The following SPON1 variants were observed in gnomAD, a reference collection of about 807,000 sequenced individuals.
SPON1 encodes the protein spondin-1.
SPON1 carries 52 observed loss-of-function variants against 111.7 expected under a neutral mutation model. The ratio of observed to expected loss-of-function variants is 0.47; its 90% CI spans 0.37 to 0.59. The LOEUF (loss-of-function observed/expected upper bound fraction) is 0.59. Ranked by LOEUF, SPON1 falls within the 20% of genes least tolerant of loss-of-function variation. SPON1 has a pLI of 0.00. For missense variants in SPON1, 957 were observed against 1,068.5 expected (o/e 0.90, Z 1.46); for synonymous variants, 410 against 395.8 (o/e 1.04, Z -0.43).
At chr11:13,991,142 C>T (rs1848226693) in intron 2 of SPON1, among the ~76,000 whole-genome samples, 1 of 152,158 alleles carries the variant, frequency 6.6e-6, no homozygotes, top group Non-Finnish European at 1.5e-5. Flanking sequence ...TGGAGAAGTT[C>T]TCCTGGATAA....
intron 5 of SPON1, among the ~76,000 whole-genome samples, chr11:14,121,872 C>G (rs1847392236): frequency 6.6e-6 from 1 of 151,156 alleles, no homozygotes; most frequent in African/African-American, 2.4e-5. Flanking sequence ...TTGCAAGACA[C>G]AGAATTCTAG....
intron 6 of SPON1, among the ~76,000 whole-genome samples, chr11:14,236,575 G>C (rs1468914692): frequency 6.6e-6 from 1 of 152,204 alleles, no homozygotes; most frequent in East Asian, 1.9e-4. Flanking sequence ...TACACAGTTG[G>C]CTTTTTAAGG....
chr11:14,219,494 C>T (rs1848658379), intron 6 of SPON1, among the ~76,000 whole-genome samples: 2 of 152,142 alleles, frequency 1.3e-5, no homozygotes, highest in South Asian at 2.1e-4. Context: ...AGAAGTGACC[C>T]TGAGATCTGG....
At chr11:14,098,652 CAGAGAGAGAGAGAGGGGTGGGAAG>C (rs781949086) in intron 5 of SPON1, among the ~76,000 whole-genome samples, 1,073 of 146,394 alleles carry the variant, frequency 7.3e-3, no homozygotes, top group Non-Finnish European at 0.012. Flanking sequence ...ATATGAAAGG[CAGAGAGAGAGAGAGGGGTGGGAAG>C]AGAGAGAGAG....
chr11:14,125,214 G>A (rs1024882547), intron 5 of SPON1, among the ~76,000 whole-genome samples: 1 of 152,244 alleles, frequency 6.6e-6, no homozygotes, highest in Non-Finnish European at 1.5e-5. Context: ...AACCAGGCAG[G>A]TTCTAGAACT....
chr11:14,070,638 AT>A (rs1326818771), intron 3 of SPON1, among the ~76,000 whole-genome samples: 56 of 152,208 alleles, frequency 3.7e-4, no homozygotes, highest in African/African-American at 1.3e-3. Flanking sequence ...ATCCAGGTAT[AT>A]TTTTTAAGTC....
intron 2 of SPON1, among the ~76,000 whole-genome samples, chr11:14,018,751 G>A (rs1848460697): frequency 6.6e-6 from 1 of 152,142 alleles, no homozygotes; most frequent in African/African-American, 2.4e-5. Flanking sequence ...GTAGCACAGG[G>A]CATTCAATGC....
At chr11:14,101,149 C>T (rs1554924352) in intron 5 of SPON1, among the ~76,000 whole-genome samples, 1 of 152,040 alleles carries the variant, frequency 6.6e-6, no homozygotes, top group Non-Finnish European at 1.5e-5. Flanking sequence ...CCTGTAATCC[C>T]AGTGCTTTGG....
intron 2 of SPON1, among the ~76,000 whole-genome samples, chr11:14,037,279 T>A (rs1848601528): frequency 6.6e-6 from 1 of 152,110 alleles, no homozygotes; most frequent in Non-Finnish European, 1.5e-5. Context: ...ACAATTCAGT[T>A]GGAGCACAAG....
chr11:14,127,885 A>G (rs1228895806), intron 5 of SPON1, among the ~76,000 whole-genome samples: 16 of 152,238 alleles, frequency 1.1e-4, no homozygotes, highest in African/African-American at 3.6e-4. Context: ...CACCTTCTTC[A>G]CAAGGTGGCA....
chr11:14,175,618 G>A (rs1036201341), intron 6 of SPON1, among the ~76,000 whole-genome samples: 1 of 152,078 alleles, frequency 6.6e-6, no homozygotes, highest in Non-Finnish European at 1.5e-5. Context: ...CCCTTGCAGA[G>A]GACACCAGTA....
intron 7 of SPON1, among the ~76,000 whole-genome samples, chr11:14,245,814 G>A (rs1267527419): frequency 6.6e-6 from 1 of 152,184 alleles, no homozygotes; most frequent in Non-Finnish European, 1.5e-5. Context: ...CCCAGGAAAT[G>A]CCTTGCCCTC....
At chr11:14,032,145 C>T (rs1382129805) in intron 2 of SPON1, among the ~76,000 whole-genome samples, 5 of 152,172 alleles carry the variant, frequency 3.3e-5, no homozygotes, top group East Asian at 1.9e-4. Flanking sequence ...GAAATATGTT[C>T]GTGATATGGT....
In SPON1 at chr11:14,135,595, C is replaced by A; in HGVS notation, c.825+27C>A. On this transcript the variant is annotated intron_variant, in intron 6 of 15. Transcript: ENST00000576479. The surrounding 1 kb of genome is among the most constrained non-coding windows in gnomAD (Gnocchi z 4.4). ...TAAGACAAAAAAATCACAGAATGAC[C>A]AAATAACAGAAATGCAGTCAAAGCA... 2 of 1,606,620 alleles carry A rather than the reference C, an allele frequency of 1.2e-6. No homozygotes were observed. Among genetic ancestry groups the A allele is most frequent in the Non-Finnish European group, 1.7e-6 (2 of 1,174,358 alleles).
chr11:14,179,472 C>T (rs1428398730), intron 6 of SPON1, among the ~76,000 whole-genome samples: 1 of 152,108 alleles, frequency 6.6e-6, no homozygotes, highest in Non-Finnish European at 1.5e-5. Context: ...ATAAAATTTT[C>T]CAGCAAAGGC....
chr11:14,086,345 T>C (rs1189552795), intron 5 of SPON1, among the ~76,000 whole-genome samples: 1 of 152,228 alleles, frequency 6.6e-6, no homozygotes, highest in Non-Finnish European at 1.5e-5. Flanking sequence ...ACTGAGAGTT[T>C]TTAGCATGAA....
At chr11:14,146,274 C>T (rs10766148) in intron 6 of SPON1, among the ~76,000 whole-genome samples, 59,245 of 151,176 alleles carry the variant, frequency 0.39, 11,826 homozygotes, top group East Asian at 0.54. Flanking sequence ...CTCAGCTTCC[C>T]GAGTAGCTGG....
At chr11:14,217,482 G>A (rs1554937236) in intron 6 of SPON1, among the ~76,000 whole-genome samples, 1 of 152,128 alleles carries the variant, frequency 6.6e-6, no homozygotes, top group Non-Finnish European at 1.5e-5. Flanking sequence ...ACTGGCTCTT[G>A]AGGGATAATT....
At chr11:13,995,694 A>C (rs1405072228) in intron 2 of SPON1, among the ~76,000 whole-genome samples, 1 of 152,180 alleles carries the variant, frequency 6.6e-6, no homozygotes, top group African/African-American at 2.4e-5. Flanking sequence ...GTCAAAGTCT[A>C]CAGAAGAACT....
Sources: gnomAD v4.1 joint callset for allele counts (sites outside exome capture counted in the v4.1 genomes callset) on GRCh38, gnomAD v4.1.1 for gene constraint, Gnocchi (gnomAD v3.1) non-coding constraint, MANE v1.5 for transcripts, NCBI Gene and HGNC (gene_info 2026-07-23, HGNC 2026-07-21) for gene names.